The following LAMP1 variants were observed in gnomAD, a reference collection of about 807,000 sequenced individuals.
LAMP1 encodes lysosome associated membrane protein 1, also known as lysosome-associated membrane glycoprotein 1.
LAMP1 carries 7 observed loss-of-function variants against 37.5 expected under a neutral mutation model. That is an observed-to-expected ratio of 0.19 (90% CI 0.11 to 0.35). LAMP1 has a LOEUF of 0.35. Ranked by LOEUF, LAMP1 falls within the 10% of genes least tolerant of loss-of-function variation. LAMP1 has a pLI of 1.00. For synonymous variants in LAMP1, 236 were observed against 229.1 expected, an observed-to-expected ratio of 1.03 and a Z score of -0.27; for missense variants, 537 against 552.8, an observed-to-expected ratio of 0.97 and a Z score of 0.29.
chr13:113,313,008 A>C (rs904009948), intron 4 of LAMP1, among the ~76,000 whole-genome samples: 1 of 152,020 alleles, frequency 6.6e-6, no homozygotes, highest in African/African-American at 2.4e-5. Flanking sequence ...AAGGGCACGC[A>C]CTCTCTGTCA....
At position 113,321,195 on chromosome 13, in the gene LAMP1, A is replaced by C; in HGVS notation, c.877-209A>C. 1.8e-6 allele frequency: 1 copy of C among 557,930 alleles called. No homozygotes were observed. The highest frequency in any genetic ancestry group is 3.2e-6 in the Non-Finnish European group (1 of 310,962). The allele number at this position is 557,930 out of a possible 1,614,324, so 34.6% of individuals were successfully genotyped here. On this transcript the variant is annotated intron_variant, in intron 6 of 8. Transcript: ENST00000332556. This position sits in a 1 kb window ranked among gnomAD's most constrained non-coding sequence, Gnocchi z 5.6. ...ACTCTCAGAGAAGGGTCTGGAAGGA[A>C]CTAACCAAAATTTTCATTCCCCAGA... is the stretch of plus-strand genomic sequence containing the variant.
rs1044993783 is a variant in LAMP1, at chr13:113,321,823, C to T, written c.1114+96C>T. The T allele has an allele frequency of 1.3e-5, 16 of 1,230,378 alleles. No individual in the cohort carries two copies. The highest frequency in any genetic ancestry group is 8.1e-5 in the South Asian group (6 of 73,762). 76.2% of individuals were successfully genotyped at this position (1,230,378 alleles called of 1,614,324 possible). A position where few individuals can be genotyped will look rare whatever the true frequency, so the allele number is the denominator to read the frequency against. ...GTCGCTTCCGTGTGGGCTGGGGCGACGCCCCTGTTCCTCTGCAAGGAGCTG... is the reference window on the plus strand; with the variant it reads ...GTCGCTTCCGTGTGGGCTGGGGCGATGCCCCTGTTCCTCTGCAAGGAGCTG... On this transcript the variant is annotated intron_variant, in intron 8 of 8. Coordinates refer to ENST00000332556, the MANE Select transcript of LAMP1 (RefSeq NM_005561.4). The surrounding 1 kb of genome is among the most constrained non-coding windows in gnomAD (Gnocchi z 5.6).
rs190412397 is a variant in LAMP1 at position 113,316,290 on chromosome 13, G to A, written c.563-3179G>A. Among the ~76,000 whole-genome samples, 69 of 152,240 alleles carry A rather than the reference G, an allele frequency of 4.5e-4. No individual in the cohort carries two copies. In the East Asian group the frequency reaches 0.013, roughly 28 times the overall value. ...GTTTATGAGTTCACCGGGAGGAGTG[G>A]GGTGTCTTCGTCTTTTATCCTCAGG... On this transcript the variant is annotated intron_variant, in intron 4 of 8. Coordinates refer to ENST00000332556, the MANE Select transcript of LAMP1 (RefSeq NM_005561.4).
At chr13:113,315,489 A>C (rs1333545794) in intron 4 of LAMP1, among the ~76,000 whole-genome samples, 4 of 142,760 alleles carry the variant, frequency 2.8e-5, no homozygotes, top group African/African-American at 1.0e-4. Flanking sequence ...TCCCGGGTTC[A>C]AGCGATTCTC....
intron 4 of LAMP1, 104 bp from the exon 5 acceptor site, chr13:113,319,365 G>A (rs576607808): frequency 7.8e-6 from 8 of 1,022,940 alleles, no homozygotes; most frequent in African/African-American, 3.2e-5. Context: ...CACCAAGGAC[G>A]CCAGAGTCCA....
intron 4 of LAMP1, among the ~76,000 whole-genome samples, chr13:113,317,897 C>T (rs368877127): frequency 1.3e-5 from 2 of 152,138 alleles, no homozygotes; most frequent in African/African-American, 2.4e-5. Flanking sequence ...CCTATGTTGC[C>T]CAGGCTGGCC....
intron 4 of LAMP1, among the ~76,000 whole-genome samples, chr13:113,315,499 C>T (rs1330368559): frequency 1.4e-5 from 2 of 145,128 alleles, no homozygotes; most frequent in African/African-American, 5.0e-5. Context: ...AAGCGATTCT[C>T]CTCCCTCAGC....
intron 2 of LAMP1, among the ~76,000 whole-genome samples, chr13:113,309,332 C>T (rs1301581543): frequency 6.6e-6 from 1 of 152,162 alleles, no homozygotes; most frequent in Non-Finnish European, 1.5e-5. Context: ...AACTCCTGGG[C>T]TCAAGCAATC....
Position 113,320,411 on chromosome 13 carries a change from C to A in LAMP1, c.817C>A (p.Leu273Met), listed in dbSNP as rs2042691714. 2 of 1,612,704 alleles carry A rather than the reference C, an allele frequency of 1.2e-6. No individual in the cohort carries two copies. Among genetic ancestry groups the A allele is most frequent in the Non-Finnish European group, 1.7e-6 (2 of 1,179,994 alleles). ...TSASGSCGAH[L>M]VTLELHSEGT... ...GGCCAGCGGGAGCTGCGGCGCCCAC[C>A]TGGTGACTCTGGAGCTGCACAGCGA... The change falls in exon 6 of 9, where the codon CTG becomes ATG. Residue 273 changes from leucine to methionine, a missense_variant. Transcript: ENST00000332556. This position sits in a 1 kb window ranked among gnomAD's most constrained non-coding sequence, Gnocchi z 4.4.
chr13:113,308,870 T>C (rs1416496426), intron 2 of LAMP1, among the ~76,000 whole-genome samples: 1 of 152,188 alleles, frequency 6.6e-6, no homozygotes, highest in East Asian at 1.9e-4. Context: ...TTGATGAACA[T>C]TAAGTGGTTT....
chr13:113,308,445 G>A (rs1253054130), intron 2 of LAMP1, among the ~76,000 whole-genome samples: 1 of 137,454 alleles, frequency 7.3e-6, no homozygotes, highest in Admixed American at 8.6e-5. Context: ...CAATTCTTCT[G>A]CCTCAGCCTC....
At chr13:113,307,081 C>T (rs1267513168) in intron 2 of LAMP1, among the ~76,000 whole-genome samples, 1 of 151,698 alleles carries the variant, frequency 6.6e-6, no homozygotes, top group African/African-American at 2.4e-5. Context: ...CCTCGTGATC[C>T]ACCCGCCTTG....
chr13:113,318,367 G>A (rs926818356), intron 4 of LAMP1, among the ~76,000 whole-genome samples: 2 of 152,232 alleles, frequency 1.3e-5, no homozygotes, highest in East Asian at 3.8e-4. Flanking sequence ...CTGCAGGGTT[G>A]CCCACCCTGG....
intron 4 of LAMP1, among the ~76,000 whole-genome samples, chr13:113,314,028 C>A (rs1225205261): frequency 1.0e-5 from 1 of 99,582 alleles, no homozygotes. Context: ...GGCGTGGCCT[C>A]CTAGAGGGAG....
rs2042686932 is a variant in LAMP1 at position 113,319,701 on chromosome 13, G to T, written c.750+45G>T. On this transcript the variant is annotated intron_variant, in intron 5 of 8. Transcript: ENST00000332556. Reference sequence around the variant, plus strand: ...TGGGAGAGGGGGACGGCACGGTAGGGCTGGAGCCTCTGCTCCCTGTGCACT... The same window carrying T: ...TGGGAGAGGGGGACGGCACGGTAGGTCTGGAGCCTCTGCTCCCTGTGCACT... 2.5e-6 allele frequency: 4 copies of T among 1,571,456 alleles called. No individual in the cohort carries two copies. The East Asian group carries it at 9.0e-5, about 35-fold the overall frequency.
rs2042707581 is a variant in LAMP1 at position 113,322,439 on chromosome 13, C to T, written c.*18C>T. On this transcript the variant is annotated 3_prime_UTR_variant, in exon 9 of 9. Coordinates refer to ENST00000332556, the MANE Select transcript of LAMP1 (RefSeq NM_005561.4). Reference sequence around the variant, plus strand: ...CTATCTAGCCTGGTGCACGCAGGCACAGCAGCTGCAGGGGCCTCTGTTCCT... The same window carrying T: ...CTATCTAGCCTGGTGCACGCAGGCATAGCAGCTGCAGGGGCCTCTGTTCCT... The T allele has an allele frequency of 6.3e-7, 1 of 1,595,698 alleles. No individual in the cohort carries two copies. The highest frequency in any genetic ancestry group is 8.6e-7 in the Non-Finnish European group (1 of 1,166,846).
At chr13:113,310,183 G>T (rs1201683675) in intron 3 of LAMP1, among the ~76,000 whole-genome samples, 1 of 144,890 alleles carries the variant, frequency 6.9e-6, no homozygotes, top group Non-Finnish European at 1.5e-5. Flanking sequence ...GAGCCGAGAT[G>T]GTGCCACTGC....
chr13:113,308,324 CTTTTTTTTTTTTTTTT>C, intron 2 of LAMP1, among the ~76,000 whole-genome samples: 1 of 60,436 alleles, frequency 1.7e-5, no homozygotes, highest in Middle Eastern at 0.021. Context: ...CCTCCAAGCA[CTTTTTTTTTTTTTTTT>C]TTTTTTTTTG....
intron 1 of LAMP1, among the ~76,000 whole-genome samples, chr13:113,300,072 C>T (rs1477335572): frequency 6.6e-6 from 1 of 152,172 alleles, no homozygotes; most frequent in Non-Finnish European, 1.5e-5. Context: ...TGAAACTTGT[C>T]CTGATAGATA....
Sources: gnomAD v4.1 joint callset for allele counts (sites outside exome capture counted in the v4.1 genomes callset) on GRCh38, gnomAD v4.1.1 for gene constraint, Gnocchi (gnomAD v3.1) non-coding constraint, MANE v1.5 for transcripts, NCBI Gene and HGNC (gene_info 2026-07-23, HGNC 2026-07-21) for gene names.